Variants in PIP5K1C observed in about 807,000 individuals in gnomAD.
The protein encoded by PIP5K1C is phosphatidylinositol-4-phosphate 5-kinase type 1 gamma.
A neutral mutation model predicts 80.1 loss-of-function variants in PIP5K1C; 45 were observed. The observed-to-expected ratio is 0.56, with a 90% CI of 0.44 to 0.72. PIP5K1C has a LOEUF of 0.72. Ranked by LOEUF, PIP5K1C falls within the 30% of genes least tolerant of loss-of-function variation. The probability of loss-of-function intolerance (pLI) is 0.00; values close to 1 mark genes in which losing one functional copy is unlikely to be tolerated. For synonymous variants in PIP5K1C, 498 were observed against 420.1 expected (o/e 1.19, Z -2.27); for missense variants, 753 against 954.6 (o/e 0.79, Z 2.78).
chr19:3,681,725 G>C (rs570198681), intron 1 of PIP5K1C, among the ~76,000 whole-genome samples: 1 of 152,100 alleles, frequency 6.6e-6, no homozygotes, highest in African/African-American at 2.4e-5. Flanking sequence ...AGCAACATTC[G>C]CTCCAGCCTG....
chr19:3,667,720 C>A (rs569508295), intron 1 of PIP5K1C, among the ~76,000 whole-genome samples: 1 of 152,318 alleles, frequency 6.6e-6, no homozygotes, highest in East Asian at 1.9e-4. Flanking sequence ...GCAAACCTCC[C>A]CCGGCTCTGA....
In PIP5K1C at chr19:3,696,707, C is replaced by T. The variant is rs9304907; in HGVS notation, c.94+3590G>A. 9.5e-6 allele frequency among the ~76,000 whole-genome samples: 1 copy of T among 105,712 alleles called. No homozygotes were observed. The highest frequency in any genetic ancestry group is 2.2e-5 in the Non-Finnish European group (1 of 45,838). 69.4% of individuals were successfully genotyped at this position (105,712 alleles called of 152,430 possible). ...CCATGGGCCTACAGCAGAGTGCAGA[C>T]GGGAGGGCAGGGAGGGCAGAGTGCG... On this transcript the variant is annotated intron_variant, in intron 1 of 17. Coordinates refer to ENST00000335312, the MANE Select transcript of PIP5K1C (RefSeq NM_012398.3). This position sits in a 1 kb window ranked among gnomAD's most constrained non-coding sequence, Gnocchi z 4.1.
At chr19:3,685,814 T>C (rs1014151378) in intron 1 of PIP5K1C, among the ~76,000 whole-genome samples, 3 of 151,898 alleles carry the variant, frequency 2.0e-5, no homozygotes, top group Non-Finnish European at 1.5e-5. Context: ...ACAACCGCAG[T>C]GTGGAGGAGT....
chr19:3,633,820 G>T (rs1489804005), intron 16 of PIP5K1C, among the ~76,000 whole-genome samples: 1 of 152,168 alleles, frequency 6.6e-6, no homozygotes, highest in East Asian at 1.9e-4. Context: ...AGCGGGTGGG[G>T]GTCGCGACCT....
Position 3,667,311 on chromosome 19 carries a change from C to CAGTGT in PIP5K1C, c.126+10_126+11insACACT. 1.2e-6 allele frequency: 2 copies of CAGTGT among 1,612,562 alleles called. No individual in the cohort carries two copies. The highest frequency in any genetic ancestry group is 1.7e-6 in the Non-Finnish European group (2 of 1,179,644). On this transcript the variant is annotated intron_variant, in intron 2 of 17. Transcript: ENST00000335312. ...GGGACCCCAGGCCCTTCGTCCGCTC[C>CAGTGT]AGACACTCACCTCTGTTGGGGCCGC...
In PIP5K1C at chr19:3,637,316, G is replaced by A. The variant is rs1171756718; in HGVS notation, c.1920+1568C>T. ...GATGGTGCTGCCCTATGGAGCGCCC[G>A]GTTCGACGTGGGACCGAATGACATT... is the stretch of plus-strand genomic sequence containing the variant. On this transcript the variant is annotated intron_variant, in intron 16 of 17. Coordinates refer to ENST00000335312, the MANE Select transcript of PIP5K1C (RefSeq NM_012398.3). The surrounding 1 kb of genome is among the most constrained non-coding windows in gnomAD (Gnocchi z 7.0). The A allele has an allele frequency of 1.6e-5, 25 of 1,524,234 alleles. No homozygotes were observed. The highest frequency in any genetic ancestry group is 7.3e-5 in the East Asian group (3 of 40,834). 94.4% of individuals were successfully genotyped at this position (1,524,234 alleles called of 1,614,324 possible).
rs945021699 is a variant in PIP5K1C at position 3,648,361 on chromosome 19, G to C, written c.1211+264C>G. 6.6e-6 allele frequency among the ~76,000 whole-genome samples: 1 copy of C among 152,184 alleles called. No homozygotes were observed. The highest frequency in any genetic ancestry group is 1.5e-5 in the Non-Finnish European group (1 of 68,040). On this transcript the variant is annotated intron_variant, in intron 9 of 17. Coordinates refer to ENST00000335312, the MANE Select transcript of PIP5K1C (RefSeq NM_012398.3). The surrounding 1 kb of genome is among the most constrained non-coding windows in gnomAD (Gnocchi z 4.3). ...AAGGCGACCAAACACCTTCCCTTTAGGGCTCAAGAAGGGGCAGCCAAGCAA... is the reference window on the plus strand; with the variant it reads ...AAGGCGACCAAACACCTTCCCTTTACGGCTCAAGAAGGGGCAGCCAAGCAA...
intron 15 of PIP5K1C, among the ~76,000 whole-genome samples, chr19:3,641,286 T>A (rs1046445925): frequency 2.6e-5 from 4 of 151,808 alleles, no homozygotes; most frequent in African/African-American, 7.3e-5. Flanking sequence ...TAAAAAAAAA[T>A]TAGTTAAATA....
chr19:3,693,124 C>G (rs903489035), intron 1 of PIP5K1C, among the ~76,000 whole-genome samples: 1 of 152,092 alleles, frequency 6.6e-6, no homozygotes, highest in East Asian at 1.9e-4. Context: ...GGGGGCCTGG[C>G]CCTCTCGTTC....
chr19:3,662,832 C>T (rs925136748), intron 3 of PIP5K1C, among the ~76,000 whole-genome samples: 1 of 151,650 alleles, frequency 6.6e-6, no homozygotes, highest in Non-Finnish European at 1.5e-5. Flanking sequence ...TCCCAAAATG[C>T]TGCGATTGCA....
intron 1 of PIP5K1C, chr19:3,674,187 A>G (rs887522181): frequency 2.6e-5 from 4 of 152,298 alleles, no homozygotes; most frequent in South Asian, 2.1e-4. Flanking sequence ...ATTTCCTGCC[A>G]CTGCCGACCA....
At chr19:3,664,528 C>T (rs111437948) in intron 3 of PIP5K1C, among the ~76,000 whole-genome samples, 3 of 152,222 alleles carry the variant, frequency 2.0e-5, no homozygotes, top group Non-Finnish European at 2.9e-5. Flanking sequence ...CTCTCCCTCA[C>T]CAGGGCCGAG....
chr19:3,695,152 C>T (rs914211176), intron 1 of PIP5K1C, among the ~76,000 whole-genome samples: 53 of 152,342 alleles, frequency 3.5e-4, no homozygotes, highest in African/African-American at 1.2e-3. Flanking sequence ...AAGGGGTCAG[C>T]GAGGCAGTCC....
chr19:3,644,471 T>C (rs2034126339), intron 11 of PIP5K1C, among the ~76,000 whole-genome samples: 1 of 152,114 alleles, frequency 6.6e-6, no homozygotes, highest in Non-Finnish European at 1.5e-5. Context: ...CGACTGTCTC[T>C]ATGAGACACA....
chr19:3,649,985 G>T, intron 8 of PIP5K1C: 1 of 195,476 alleles, frequency 5.1e-6, no homozygotes, highest in Non-Finnish European at 1.0e-5. Context: ...GCCACAGGCT[G>T]GTACGCTCAC....
At position 3,688,802 on chromosome 19, in the gene PIP5K1C, A is replaced by AG. The variant is rs1204242157; in HGVS notation, c.94+11494dup. The stretch of plus-strand genomic sequence containing the variant: ...ACACACCGAGCTGGTGGGCCGGGGG[A>AG]GGGGGACCCACACCCACGTCGCCAT... On this transcript the variant is annotated intron_variant, in intron 1 of 17. Coordinates refer to ENST00000335312, the MANE Select transcript of PIP5K1C (RefSeq NM_012398.3). This position sits in a 1 kb window ranked among gnomAD's most constrained non-coding sequence, Gnocchi z 5.3. 1.3e-5 allele frequency among the ~76,000 whole-genome samples: 2 copies of AG among 150,844 alleles called. No individual in the cohort carries two copies. The highest frequency in any genetic ancestry group is 3.0e-5 in the Non-Finnish European group (2 of 67,710).
chr19:3,674,791 G>A (rs997182381), intron 1 of PIP5K1C, among the ~76,000 whole-genome samples: 13 of 152,216 alleles, frequency 8.5e-5, no homozygotes, highest in Non-Finnish European at 1.8e-4. Flanking sequence ...ATGAGCCACC[G>A]TGCCCGGCCT....
chr19:3,669,562 CAA>C (rs1274110145), intron 1 of PIP5K1C: 3 of 152,274 alleles, frequency 2.0e-5, no homozygotes, highest in Non-Finnish European at 2.9e-5. Context: ...ACAAAGCCAG[CAA>C]AGAGTGCAGA....
At chr19:3,645,847 G>C in intron 11 of PIP5K1C, 127 bp downstream of exon 11, 2 of 782,024 alleles carry the variant, frequency 2.6e-6, no homozygotes, top group Non-Finnish European at 2.4e-6. Context: ...TCTGAGGGGG[G>C]CACAGGGGCT....
Sources: allele counts gnomAD v4.1 joint callset (sites outside exome capture counted in the v4.1 genomes callset), GRCh38; gene constraint gnomAD v4.1.1; non-coding constraint Gnocchi (gnomAD v3.1); transcripts MANE v1.5; gene names NCBI Gene and HGNC (gene_info 2026-07-23, HGNC 2026-07-21).